Variants in ZNF892 observed in about 807,000 individuals in gnomAD.
ZNF892 encodes zinc finger protein 892.
the ZNF892 span, chr2:95,211,524 C>T: frequency 1.0e-5 from 4 of 396,422 alleles, no homozygotes; most frequent in African/African-American, 8.2e-5. Flanking sequence ...TTTATCCTTT[C>T]TGTCTTCCTC....
At chr2:95,226,371 T>C in the ZNF892 span, among the ~76,000 whole-genome samples, 1 of 152,388 alleles carries the variant, frequency 6.6e-6, no homozygotes, top group South Asian at 2.1e-4. Flanking sequence ...TTCTGTTGAC[T>C]GATGACATTT....
the ZNF892 span, among the ~76,000 whole-genome samples, chr2:95,242,759 A>G: frequency 3.9e-5 from 6 of 152,186 alleles, no homozygotes; most frequent in African/African-American, 1.4e-4. Flanking sequence ...CTCATGTGCA[A>G]AGACACACAT....
the ZNF892 span, among the ~76,000 whole-genome samples, chr2:95,221,096 A>T: frequency 6.6e-6 from 1 of 152,206 alleles, no homozygotes; most frequent in African/African-American, 2.4e-5. Flanking sequence ...TTCCTCATAG[A>T]TATATGTTTT....
the ZNF892 span, among the ~76,000 whole-genome samples, chr2:95,226,986 T>G: frequency 4.6e-5 from 7 of 152,202 alleles, no homozygotes; most frequent in African/African-American, 1.7e-4. Context: ...TCTTTTGTCC[T>G]TATAAATGAA....
the ZNF892 span, among the ~76,000 whole-genome samples, chr2:95,241,973 A>G: frequency 6.6e-6 from 1 of 152,306 alleles, no homozygotes; most frequent in East Asian, 1.9e-4. Context: ...GGAATGAACA[A>G]AACCTCTGAG....
the ZNF892 span, among the ~76,000 whole-genome samples, chr2:95,256,555 G>A: frequency 6.6e-6 from 1 of 152,114 alleles, no homozygotes; most frequent in Non-Finnish European, 1.5e-5. Flanking sequence ...GTGTCTTGGA[G>A]TTGCTCTTCT....
the ZNF892 span, among the ~76,000 whole-genome samples, chr2:95,223,626 C>A: frequency 1.3e-5 from 2 of 152,128 alleles, no homozygotes; most frequent in Non-Finnish European, 2.9e-5. Flanking sequence ...GTCTTGAAAT[C>A]ATGAGCTCAA....
At chr2:95,215,151 C>T in the ZNF892 span, 25 of 460,096 alleles carry the variant, frequency 5.4e-5, no homozygotes, top group South Asian at 1.3e-4. Flanking sequence ...CTTTAGTGAT[C>T]GGTCAGGTCT....
the ZNF892 span, among the ~76,000 whole-genome samples, chr2:95,257,773 G>A: frequency 6.6e-6 from 1 of 152,070 alleles, no homozygotes; most frequent in African/African-American, 2.4e-5. Flanking sequence ...AGTGGCGGGC[G>A]CCCCTCCCCC....
the ZNF892 span, among the ~76,000 whole-genome samples, chr2:95,261,991 AAAAC>A: frequency 3.9e-5 from 6 of 152,250 alleles, no homozygotes; most frequent in African/African-American, 1.4e-4. Flanking sequence ...CCAGCAGAGT[AAAAC>A]AAGAATGAAA....
the ZNF892 span, among the ~76,000 whole-genome samples, chr2:95,216,397 G>A: frequency 1.3e-5 from 2 of 152,142 alleles, no homozygotes; most frequent in East Asian, 3.8e-4. Flanking sequence ...GACCTTTGAT[G>A]TGTTCAAACT....
chr2:95,221,532 T>C, the ZNF892 span, among the ~76,000 whole-genome samples: 1 of 152,216 alleles, frequency 6.6e-6, no homozygotes, highest in Admixed American at 6.5e-5. Flanking sequence ...ATTGTGTTTG[T>C]AGTGTGTGGT....
chr2:95,246,999 A>C, the ZNF892 span, among the ~76,000 whole-genome samples: 2 of 152,244 alleles, frequency 1.3e-5, no homozygotes, highest in East Asian at 3.8e-4. Context: ...AGAATTAGAA[A>C]AAAACTATTT....
the ZNF892 span, among the ~76,000 whole-genome samples, chr2:95,246,003 C>T: frequency 1.3e-5 from 2 of 152,316 alleles, no homozygotes; most frequent in Admixed American, 1.3e-4. Flanking sequence ...GGACTCCTCC[C>T]TAACTCATTC....
the ZNF892 span, among the ~76,000 whole-genome samples, chr2:95,209,408 C>T: frequency 6.6e-6 from 1 of 152,114 alleles, no homozygotes; most frequent in Admixed American, 6.5e-5. Flanking sequence ...CGGTCTTATT[C>T]CAGAGGCAAA....
At chr2:95,243,735 C>T in the ZNF892 span, among the ~76,000 whole-genome samples, 3,644 of 151,404 alleles carry the variant, frequency 0.024, 160 homozygotes, top group African/African-American at 0.083. Context: ...GTCAGCACCC[C>T]GCCCGGCCAG....
the ZNF892 span, among the ~76,000 whole-genome samples, chr2:95,233,869 G>A: frequency 2.0e-5 from 3 of 151,550 alleles, no homozygotes; most frequent in Non-Finnish European, 4.4e-5. Flanking sequence ...TTGTAGAAAT[G>A]GTGTTTCACC....
the ZNF892 span, among the ~76,000 whole-genome samples, chr2:95,208,967 A>T: frequency 6.6e-6 from 1 of 152,182 alleles, no homozygotes; most frequent in South Asian, 2.1e-4. Context: ...GAGTACTGTA[A>T]TTGGCCTTGG....
At chr2:95,235,918 C>A in the ZNF892 span, among the ~76,000 whole-genome samples, 1 of 152,184 alleles carries the variant, frequency 6.6e-6, no homozygotes, top group Non-Finnish European at 1.5e-5. Flanking sequence ...TTCAACGCCT[C>A]CCCAGAGGTT....
Sources: allele counts gnomAD v4.1 joint callset (sites outside exome capture counted in the v4.1 genomes callset), GRCh38; gene constraint gnomAD v4.1.1; transcripts MANE v1.5; gene names NCBI Gene and HGNC (gene_info 2026-07-23, HGNC 2026-07-21).